Variants in PTCHD4 observed in about 807,000 individuals in gnomAD.
The protein encoded by PTCHD4 is patched domain-containing protein 4.
A neutral mutation model predicts 58.1 loss-of-function variants in PTCHD4; 33 were observed. That is an observed-to-expected ratio of 0.57 (90% confidence interval 0.43 to 0.76). The LOEUF is 0.76. Among genes scored for constraint, PTCHD4 ranks in the 30% least tolerant of loss-of-function variants. PTCHD4 has a pLI of 0.00. For missense variants in PTCHD4, 1,058 were observed against 1,027.1 expected (o/e 1.03, Z -0.41); for synonymous variants, 478 against 409.6 (o/e 1.17, Z -2.02).
At chr6:47,898,490 A>G (rs2114141138) in intron 4 of PTCHD4, among the ~76,000 whole-genome samples, 1 of 152,324 alleles carries the variant, frequency 6.6e-6, no homozygotes, top group East Asian at 1.9e-4. Flanking sequence ...TACTTATTGA[A>G]CAAGAATGAA....
At chr6:47,997,339 C>T (rs1382197248) in intron 4 of PTCHD4, among the ~76,000 whole-genome samples, 1 of 151,946 alleles carries the variant, frequency 6.6e-6, no homozygotes, top group African/African-American at 2.4e-5. Flanking sequence ...CATTACTTGG[C>T]TTTTATCATT....
At chr6:48,003,371 A>G (rs1342777815) in intron 4 of PTCHD4, among the ~76,000 whole-genome samples, 1 of 152,162 alleles carries the variant, frequency 6.6e-6, no homozygotes, top group East Asian at 1.9e-4. Flanking sequence ...GTAAATGGCA[A>G]ATGCATTCTA....
chr6:47,953,582 TAGAATC>T (rs1481253061), intron 4 of PTCHD4, among the ~76,000 whole-genome samples: 7 of 152,136 alleles, frequency 4.6e-5, no homozygotes, highest in African/African-American at 1.7e-4. Context: ...ACTGAAAAAT[TAGAATC>T]AGATTATAAA....
At chr6:48,047,034 G>A (rs1007021523) in intron 3 of PTCHD4, among the ~76,000 whole-genome samples, 5 of 151,852 alleles carry the variant, frequency 3.3e-5, no homozygotes, top group Non-Finnish European at 7.4e-5. Flanking sequence ...ATGAGAGCCT[G>A]AATATTGGGT....
In PTCHD4 at chr6:47,872,938, G is replaced by T. The variant is rs1035919837; in HGVS notation, c.*5365C>A. 6.6e-6 allele frequency among the ~76,000 whole-genome samples: 1 copy of T among 151,528 alleles called. No homozygotes were observed. The highest frequency in any genetic ancestry group is 1.5e-5 in the Non-Finnish European group (1 of 67,710). ...GCAATAGAGAGTCCTCATTAAGTAT[G>T]AAAAAAACTGATTAGAAAAAGTGTT... On this transcript the variant is annotated 3_prime_UTR_variant, in exon 5 of 5. Transcript: ENST00000339488.
intron 4 of PTCHD4, among the ~76,000 whole-genome samples, chr6:47,957,904 A>G (rs1401516046): frequency 6.6e-6 from 1 of 152,086 alleles, no homozygotes; most frequent in African/African-American, 2.4e-5. Flanking sequence ...GCGCCCGGCC[A>G]TAAGACTAAA....
intron 4 of PTCHD4, among the ~76,000 whole-genome samples, chr6:47,910,019 T>C (rs776125754): frequency 3.3e-5 from 5 of 152,164 alleles, no homozygotes; most frequent in Non-Finnish European, 5.9e-5. Context: ...TAATAACTGA[T>C]TAATATTTAC....
intron 4 of PTCHD4, chr6:47,890,947 C>A: frequency 3.1e-6 from 3 of 954,508 alleles, no homozygotes; most frequent in Non-Finnish European, 3.7e-6. Flanking sequence ...GTGGCTCACA[C>A]CTGTAATCCC....
At position 47,875,247 on chromosome 6, in the gene PTCHD4, C is replaced by A. The variant is rs941060615; in HGVS notation, c.*3056G>T. On this transcript the variant is annotated 3_prime_UTR_variant, in exon 5 of 5. Coordinates refer to ENST00000339488, the MANE Select transcript of PTCHD4 (RefSeq NM_001384253.1). ...CCTAATTTGAATGGCATTAGTACTT[C>A]ATAAATGAACAAAACAATGAGTGCA... Among the ~76,000 whole-genome samples the A allele has an allele frequency of 1.3e-5, 2 of 151,728 alleles. No homozygotes were observed. The highest frequency in any genetic ancestry group is 4.8e-5 in the African/African-American group (2 of 41,354).
chr6:47,886,427 A>G (rs1343422868), intron 4 of PTCHD4, among the ~76,000 whole-genome samples: 1 of 152,156 alleles, frequency 6.6e-6, no homozygotes, highest in East Asian at 1.9e-4. Context: ...TCACTTGAAC[A>G]TGCTAATCAA....
At chr6:48,095,722 C>T (rs897619697) in intron 1 of PTCHD4, among the ~76,000 whole-genome samples, 1 of 113,648 alleles carries the variant, frequency 8.8e-6, no homozygotes, top group Admixed American at 8.9e-5. Flanking sequence ...AACAAACAAA[C>T]AAAAGGAACC....
At chr6:47,918,814 C>T (rs532583515) in intron 4 of PTCHD4, among the ~76,000 whole-genome samples, 2 of 152,230 alleles carry the variant, frequency 1.3e-5, no homozygotes, top group East Asian at 1.9e-4. Context: ...TTGAAATTTT[C>T]ATGTACTCTT....
chr6:48,093,736 A>G (rs184178218), intron 1 of PTCHD4, among the ~76,000 whole-genome samples: 64 of 145,822 alleles, frequency 4.4e-4, no homozygotes, highest in Admixed American at 1.0e-3. Flanking sequence ...ATAACTTTAA[A>G]GGAAGAAAAA....
intron 3 of PTCHD4, among the ~76,000 whole-genome samples, chr6:48,034,896 C>T (rs566102764): frequency 4.6e-5 from 7 of 152,224 alleles, no homozygotes; most frequent in Admixed American, 1.3e-4. Flanking sequence ...TAAGCTACCT[C>T]GTCAGGGACA....
At chr6:48,024,463 TA>T (rs1347025681) in intron 3 of PTCHD4, among the ~76,000 whole-genome samples, 1 of 152,116 alleles carries the variant, frequency 6.6e-6, no homozygotes, top group African/African-American at 2.4e-5. Context: ...AGGAGAAACC[TA>T]AAAAAGTTGG....
intron 4 of PTCHD4, among the ~76,000 whole-genome samples, chr6:47,993,104 T>C (rs1366129073): frequency 1.3e-5 from 2 of 152,184 alleles, no homozygotes; most frequent in Non-Finnish European, 2.9e-5. Flanking sequence ...TTTATATATA[T>C]TTGGAAAGTC....
At chr6:48,022,437 T>C (rs751019362) in intron 3 of PTCHD4, among the ~76,000 whole-genome samples, 2 of 152,096 alleles carry the variant, frequency 1.3e-5, no homozygotes, top group African/African-American at 2.4e-5. Context: ...AAATACAGTG[T>C]GTGATATACA....
At chr6:47,983,637 C>T (rs910913094) in intron 4 of PTCHD4, among the ~76,000 whole-genome samples, 8 of 151,928 alleles carry the variant, frequency 5.3e-5, no homozygotes, top group African/African-American at 1.9e-4. Context: ...AAATGCCTAA[C>T]CTAAAGTTAC....
chr6:47,898,059 C>T (rs984446100), intron 4 of PTCHD4, among the ~76,000 whole-genome samples: 5 of 151,272 alleles, frequency 3.3e-5, no homozygotes, highest in Non-Finnish European at 7.4e-5. Flanking sequence ...ATTCTCCTGC[C>T]GCAGCCTCCC....
Sources: allele counts gnomAD v4.1 joint callset (sites outside exome capture counted in the v4.1 genomes callset), GRCh38; gene constraint gnomAD v4.1.1; transcripts MANE v1.5; gene names NCBI Gene and HGNC (gene_info 2026-07-23, HGNC 2026-07-21).